CLOCK: variants seen among roughly 807,000 people sequenced by gnomAD.
CLOCK encodes the protein circadian locomoter output cycles protein kaput.
A neutral mutation model predicts 118.4 loss-of-function variants in CLOCK; 43 were observed. The observed-to-expected ratio is 0.36, with a 90% confidence interval of 0.28 to 0.47. CLOCK has a LOEUF of 0.47. CLOCK is among the 20% of genes least tolerant of loss of function. CLOCK has a pLI of 1.00. For synonymous variants in CLOCK, 326 were observed against 339.2 expected, an observed-to-expected ratio of 0.96 and a Z score of 0.43; for missense variants, 846 against 999.9, an observed-to-expected ratio of 0.85 and a Z score of 2.08.
intron 1 of CLOCK, among the ~76,000 whole-genome samples, chr4:55,519,016 T>G (rs1321304162): frequency 6.6e-6 from 1 of 152,168 alleles, no homozygotes; most frequent in East Asian, 1.9e-4. Context: ...TTTCCTTGGT[T>G]TCTCCAGATG....
chr4:55,441,899 G>C (rs1380464121), intron 21 of CLOCK, among the ~76,000 whole-genome samples: 2 of 152,210 alleles, frequency 1.3e-5, no homozygotes, highest in Non-Finnish European at 2.9e-5. Context: ...CAAGGTCTGT[G>C]TTCAGAGTTC....
intron 22 of CLOCK, 27 bp downstream of exon 22, chr4:55,438,255 A>C (rs1723050511): frequency 5.0e-6 from 8 of 1,613,508 alleles, no homozygotes; most frequent in African/African-American, 1.3e-5. Context: ...AATGAGTTTG[A>C]AGCAGCTTCC....
At position 55,442,581 on chromosome 4, in the gene CLOCK, C is replaced by G; in HGVS notation, c.1956G>C (p.Gln652His). Residue 652 changes from glutamine (Q) to histidine (H), a missense_variant, in exon 21 of 23, where the codon CAG (glutamine) becomes CAC (histidine). Physicochemically the swap from Gln to His is conservative, Grantham distance 24. This residue lies in a region of CLOCK where 520 missense variants were observed against 558.0 expected (regional missense o/e 0.93). Coordinates refer to ENST00000513440, the MANE Select transcript of CLOCK (RefSeq NM_004898.4). ...GHSQQTSLPS[Q>H]TQSTLTAPLY... is the part of the protein sequence containing the mutation. The stretch of plus-strand genomic sequence containing the variant: ...GTGGGGCTGTAAGAGTGCTCTGTGT[C>G]TGACTGGGTAGAGATGTTTGCTGAC... 4.3e-6 allele frequency: 7 copies of G among 1,612,256 alleles called. No individual in the cohort carries two copies. The highest frequency in any genetic ancestry group is 5.1e-6 in the Non-Finnish European group (6 of 1,179,714).
At chr4:55,491,392 C>T (rs1435029612) in intron 2 of CLOCK, among the ~76,000 whole-genome samples, 1 of 141,996 alleles carries the variant, frequency 7.0e-6, no homozygotes, top group South Asian at 2.2e-4. Context: ...AAAAAATCAA[C>T]AAAACTAAGA....
At chr4:55,511,362 C>A (rs1729137185) in intron 1 of CLOCK, among the ~76,000 whole-genome samples, 1 of 152,122 alleles carries the variant, frequency 6.6e-6, no homozygotes, top group Non-Finnish European at 1.5e-5. Context: ...AACAATACTT[C>A]TTGACACAAT....
chr4:55,441,874 C>A (rs930750211), intron 21 of CLOCK, among the ~76,000 whole-genome samples: 3 of 152,180 alleles, frequency 2.0e-5, no homozygotes, highest in African/African-American at 7.2e-5. Context: ...CACTCAAGCA[C>A]TGAAATGAAG....
intron 1 of CLOCK, among the ~76,000 whole-genome samples, chr4:55,515,630 A>G (rs111413222): frequency 0.017 from 2,568 of 151,998 alleles, 70 homozygotes; most frequent in African/African-American, 0.058. Context: ...TGATCCACCC[A>G]CCTCTGCCTC....
intron 8 of CLOCK, among the ~76,000 whole-genome samples, chr4:55,468,098 T>C (rs1725859147): frequency 6.6e-6 from 1 of 152,126 alleles, no homozygotes; most frequent in South Asian, 2.1e-4. Flanking sequence ...GCAGAATTAC[T>C]TTACCCTGTT....
rs541782266 is a variant in CLOCK, at chr4:55,468,644, C to G, written c.438+2073G>C. On this transcript the variant is annotated intron_variant, in intron 8 of 22. Coordinates refer to ENST00000513440, the MANE Select transcript of CLOCK (RefSeq NM_004898.4). The stretch of plus-strand genomic sequence containing the variant: ...GTAATTCTATTGAGAAAAATATTTA[C>G]AAGTTGCCCTAATTGCAACAAGTAT... 1.4e-4 allele frequency among the ~76,000 whole-genome samples: 22 copies of G among 152,064 alleles called. No homozygotes were observed. In the South Asian group the frequency reaches 4.6e-3, roughly 32 times the overall value.
chr4:55,540,064 ATG>A (rs983879703), intron 1 of CLOCK, among the ~76,000 whole-genome samples: 12 of 149,742 alleles, frequency 8.0e-5, no homozygotes, highest in Non-Finnish European at 1.5e-4. Flanking sequence ...CTGGAGTGCA[ATG>A]GCGTGATCTC....
At chr4:55,448,597 CGCGCGTGTGTGT>C (rs1452554112) in intron 18 of CLOCK, among the ~76,000 whole-genome samples, 170 bp downstream of exon 18, 88 of 72,930 alleles carry the variant, frequency 1.2e-3, no homozygotes, top group African/African-American at 5.1e-3. Context: ...CGCGCGCACG[CGCGCGTGTGTGT>C]GTGTGTGTGT....
intron 16 of CLOCK, 105 bp from the exon 17 acceptor site, chr4:55,449,601 T>C: frequency 1.0e-6 from 1 of 976,732 alleles, no homozygotes; most frequent in Non-Finnish European, 1.6e-6. Flanking sequence ...TTTGAATTAT[T>C]TTTCCAAACC....
chr4:55,513,870 T>C (rs113598987), intron 1 of CLOCK, among the ~76,000 whole-genome samples: 258 of 152,212 alleles, frequency 1.7e-3, no homozygotes, highest in African/African-American at 6.0e-3. Flanking sequence ...AGTATTTATT[T>C]TGGGAGATAT....
intron 7 of CLOCK, among the ~76,000 whole-genome samples, chr4:55,473,906 TC>T (rs1486540854): frequency 6.6e-6 from 1 of 152,134 alleles, no homozygotes; most frequent in Non-Finnish European, 1.5e-5. Context: ...CATTCCCCCA[TC>T]CCTCTCCCTC....
At chr4:55,454,084 T>C (rs1724712454) in intron 13 of CLOCK, among the ~76,000 whole-genome samples, 1 of 152,174 alleles carries the variant, frequency 6.6e-6, no homozygotes, top group Non-Finnish European at 1.5e-5. Context: ...TACTTAAGAA[T>C]TCACACTGCT....
rs57022769 is a variant in CLOCK, at chr4:55,539,572, C to CA, written c.-290+7209dup. On this transcript the variant is annotated intron_variant, in intron 1 of 22. Transcript: ENST00000513440. The stretch of plus-strand genomic sequence containing the variant: ...TGGGTGCCAGAGTGAGACCTTGTCT[C>CA]AAAAAAAAAAAAAAAAAAAAAAAAA... Among the ~76,000 whole-genome samples, 109 of 52,058 alleles carry CA rather than the reference C, an allele frequency of 2.1e-3. 14 individuals are homozygous for CA. The highest frequency in any genetic ancestry group is 5.3e-3 in the African/African-American group (65 of 12,374). The allele number at this position is 52,058 out of a possible 152,430, so 34.2% of individuals were successfully genotyped here.
intron 3 of CLOCK, among the ~76,000 whole-genome samples, chr4:55,484,976 T>C (rs763421579): frequency 1.3e-4 from 20 of 152,036 alleles, no homozygotes; most frequent in South Asian, 4.2e-4. Context: ...CTCTCTCTCT[T>C]TTTTTGAGAC....
chr4:55,444,768 T>A lies in CLOCK; in HGVS notation c.1557A>T (p.Gln519His). Reference protein sequence around the residue: ...QGMSQFQFSAQLGAMQHLKDQ... With the variant: ...QGMSQFQFSAHLGAMQHLKDQ... Reference sequence around the variant, plus strand: ...CTTTCAGATGTTGCATGGCTCCTAATTGAGCTGAAAACTGAAACTGAAGTA... The same window carrying A: ...CTTTCAGATGTTGCATGGCTCCTAAATGAGCTGAAAACTGAAACTGAAGTA... Residue 519 changes from glutamine to histidine, a missense_variant, in exon 19 of 23, where the codon CAA becomes CAT. Transcript: ENST00000513440. 1.2e-6 allele frequency: 2 copies of A among 1,614,064 alleles called. No individual in the cohort carries two copies. Among genetic ancestry groups the A allele is most frequent in the Non-Finnish European group, 1.7e-6 (2 of 1,179,996 alleles).
Position 55,433,280 on chromosome 4 carries a change from A to G in CLOCK, c.*2135T>C, listed in dbSNP as rs983894494. ...CTCTACTGGATGGTCATTTAGCTAG[A>G]AGAGCTCCTTGATATGTTAATTACT... On this transcript the variant is annotated 3_prime_UTR_variant, in exon 23 of 23. Coordinates refer to ENST00000513440, the MANE Select transcript of CLOCK (RefSeq NM_004898.4). The G allele has an allele frequency of 1.4e-4, 22 of 152,658 alleles. No homozygotes were observed. The highest frequency in any genetic ancestry group is 5.3e-4 in the African/African-American group (22 of 41,452). 9.5% of individuals were successfully genotyped at this position (152,658 alleles called of 1,614,324 possible).
Sources: gnomAD v4.1 joint callset for allele counts (sites outside exome capture counted in the v4.1 genomes callset) on GRCh38, gnomAD v4.1.1 for gene constraint, gnomAD v4.1.1 regional missense constraint, MANE v1.5 for transcripts, NCBI Gene and HGNC (gene_info 2026-07-23, HGNC 2026-07-21) for gene names.